The following CNTN5 variants were observed in gnomAD, a reference collection of about 807,000 sequenced individuals.
CNTN5 encodes the protein contactin 5.
Under a neutral mutation model 129.1 loss-of-function variants are expected in CNTN5, and 77 were observed. The observed-to-expected ratio is 0.60, with a 90% CI of 0.50 to 0.72. The LOEUF (loss-of-function observed/expected upper bound fraction) is 0.72. Among genes scored for constraint, CNTN5 ranks in the 30% least tolerant of loss-of-function variants. The pLI, the probability that CNTN5 is intolerant of heterozygous loss-of-function variation, is 0.00. For missense variants in CNTN5, 1,478 were observed against 1,328.8 expected (o/e 1.11, Z -1.75); for synonymous variants, 509 against 465.6 (o/e 1.09, Z -1.20).
chr11:99,842,995 C>T (rs1947562624), intron 4 of CNTN5, among the ~76,000 whole-genome samples: 2 of 152,122 alleles, frequency 1.3e-5, no homozygotes. Context: ...CTTTGGGAGG[C>T]CTAGGCGGGC....
chr11:99,817,597 T>TTTG (rs1491544348), intron 3 of CNTN5, among the ~76,000 whole-genome samples: 605 of 13,516 alleles, frequency 0.045, 4 homozygotes, highest in African/African-American at 0.16. Flanking sequence ...TCTGGGATAG[T>TTTG]TTTTTTTTTT....
intron 2 of CNTN5, among the ~76,000 whole-genome samples, chr11:99,399,155 A>G (rs1482437528): frequency 6.7e-5 from 1 of 15,022 alleles, no homozygotes; most frequent in Non-Finnish European, 1.2e-4. Context: ...GCATTTGTGG[A>G]ATAAAAAAAA....
At chr11:99,757,687 C>T (rs773499095) in intron 3 of CNTN5, among the ~76,000 whole-genome samples, 59 of 152,152 alleles carry the variant, frequency 3.9e-4, no homozygotes, top group Middle Eastern at 3.4e-3. Context: ...GTATTACTCT[C>T]AACCCAATAC....
At chr11:99,154,087 T>A (rs1028933318) in intron 1 of CNTN5, among the ~76,000 whole-genome samples, 8 of 152,134 alleles carry the variant, frequency 5.3e-5, no homozygotes, top group African/African-American at 1.9e-4. Context: ...AGCCAAAGCC[T>A]TCACCAGGGT....
intron 1 of CNTN5, among the ~76,000 whole-genome samples, chr11:99,074,112 A>G (rs974961951): frequency 1.3e-5 from 2 of 151,968 alleles, no homozygotes; most frequent in African/African-American, 4.8e-5. Context: ...TTTGATTTGT[A>G]TTTCTCTAAT....
chr11:99,742,533 C>A (rs1472375930), intron 3 of CNTN5, among the ~76,000 whole-genome samples: 1 of 152,128 alleles, frequency 6.6e-6, no homozygotes, highest in Non-Finnish European at 1.5e-5. Flanking sequence ...GAGGAAAAAA[C>A]AATCTCTTGG....
Position 99,194,600 on chromosome 11 carries a change from A to G in CNTN5, c.-209-130746A>G, listed in dbSNP as rs754265978. On this transcript the variant is annotated intron_variant, in intron 1 of 24. Transcript: ENST00000524871. ...CTTCAACAATTTTTCATCAAGTCCT[A>G]TTGAATTATTTTTTTTTCTTTTAGA... is the stretch of plus-strand genomic sequence containing the variant. Among the ~76,000 whole-genome samples the G allele has an allele frequency of 3.4e-4, 51 of 152,132 alleles. 1 individual carries two copies. In the Middle Eastern group the frequency reaches 0.024, roughly 71 times the overall value.
intron 6 of CNTN5, among the ~76,000 whole-genome samples, chr11:99,915,147 AGTTT>A (rs1342026690): frequency 6.6e-6 from 1 of 152,102 alleles, no homozygotes; most frequent in East Asian, 1.9e-4. Flanking sequence ...ATTCTGGGAC[AGTTT>A]ATTTATAAAA....
chr11:100,325,605 T>C (rs2138972619), intron 21 of CNTN5, among the ~76,000 whole-genome samples: 1 of 152,308 alleles, frequency 6.6e-6, no homozygotes, highest in Middle Eastern at 3.4e-3. Context: ...ACAAAACAAC[T>C]TCACTCATAC....
Position 100,074,298 on chromosome 11 carries a change from A to G in CNTN5, c.1580+4A>G, listed in dbSNP as rs1565216034. The stretch of plus-strand genomic sequence containing the variant: ...GAGCAGTTAGAGAAAACAAAAGGTT[A>G]GAATCTATTTTATAATTCAAGTTCA... On this transcript the variant is annotated splice_donor_region_variant and intron_variant, in intron 13 of 24. Coordinates refer to ENST00000524871, the MANE Select transcript of CNTN5 (RefSeq NM_014361.4). 1 of 1,582,084 alleles carries G rather than the reference A, an allele frequency of 6.3e-7. No homozygotes were observed. Among genetic ancestry groups the G allele is most frequent in the African/African-American group, 1.4e-5 (1 of 73,884 alleles).
chr11:100,340,218 A>G (rs1952129277), intron 21 of CNTN5, among the ~76,000 whole-genome samples: 1 of 152,196 alleles, frequency 6.6e-6, no homozygotes, highest in Non-Finnish European at 1.5e-5. Context: ...ACCAGGCTAC[A>G]AAGTAGCAGG....
intron 18 of CNTN5, among the ~76,000 whole-genome samples, chr11:100,279,392 T>C (rs2138811920): frequency 6.6e-6 from 1 of 152,102 alleles, no homozygotes; most frequent in Middle Eastern, 3.4e-3. Context: ...TGGTTTTAGT[T>C]CTTCTTTAAA....
intron 2 of CNTN5, among the ~76,000 whole-genome samples, chr11:99,420,076 A>C (rs1942821501): frequency 6.6e-6 from 1 of 152,118 alleles, no homozygotes; most frequent in African/African-American, 2.4e-5. Context: ...GTCTAGTGTT[A>C]AAAAATTGTT....
chr11:99,644,509 G>A lies in CNTN5; in HGVS notation c.55+88240G>A, dbSNP rs1050223816. Among the ~76,000 whole-genome samples, 8 of 152,152 alleles carry A rather than the reference G, an allele frequency of 5.3e-5. 1 individual carries two copies. In the South Asian group the frequency reaches 1.2e-3, roughly 24 times the overall value. ...CTATAGGATTTCAAATGGGCAAAAC[G>A]ATGTTCTCACCATTAGAATTCTGAC... On this transcript the variant is annotated intron_variant, in intron 3 of 24. Transcript: ENST00000524871.
chr11:100,281,272 G>A (rs183805196), intron 18 of CNTN5, among the ~76,000 whole-genome samples: 2 of 152,204 alleles, frequency 1.3e-5, no homozygotes, highest in African/African-American at 4.8e-5. Flanking sequence ...TTGTGGGACA[G>A]GTCTGGTGTT....
At chr11:100,333,234 G>A (rs2138992857) in intron 21 of CNTN5, among the ~76,000 whole-genome samples, 1 of 151,694 alleles carries the variant, frequency 6.6e-6, no homozygotes, top group South Asian at 2.1e-4. Context: ...CATCGATGTG[G>A]AAGACCTCTA....
At chr11:99,978,977 T>A (rs1357443444) in intron 8 of CNTN5, among the ~76,000 whole-genome samples, 4 of 152,210 alleles carry the variant, frequency 2.6e-5, no homozygotes, top group Admixed American at 2.0e-4. Context: ...GCTATCCCAG[T>A]TCTGCCCCGC....
intron 3 of CNTN5, among the ~76,000 whole-genome samples, chr11:99,594,175 G>A (rs1950059382): frequency 2.6e-5 from 4 of 152,206 alleles, no homozygotes; most frequent in African/African-American, 9.6e-5. Context: ...TTGCTTTATT[G>A]TGAAGAAGCA....
At chr11:99,043,149 A>C (rs1053792348) in intron 1 of CNTN5, among the ~76,000 whole-genome samples, 1 of 152,184 alleles carries the variant, frequency 6.6e-6, no homozygotes, top group Non-Finnish European at 1.5e-5. Context: ...ATTTTTTAGA[A>C]TTTTGTTAAG....
Sources: gnomAD v4.1 joint callset for allele counts (sites outside exome capture counted in the v4.1 genomes callset) on GRCh38, gnomAD v4.1.1 for gene constraint, MANE v1.5 for transcripts, NCBI Gene and HGNC (gene_info 2026-07-23, HGNC 2026-07-21) for gene names.